The following ZDHHC2 variants were observed in gnomAD, a reference collection of about 807,000 sequenced individuals.
ZDHHC2 encodes palmitoyltransferase ZDHHC2.
In ZDHHC2, 51 loss-of-function variants were observed where a neutral mutation model predicts 55.6. That is an observed-to-expected ratio of 0.92 (90% confidence interval 0.73 to 1.16). The LOEUF is 1.16. Ranked by LOEUF, ZDHHC2 falls within the 50% of genes most tolerant of loss-of-function variation. The pLI is 0.00. For synonymous variants in ZDHHC2, 199 were observed against 152.9 expected (o/e 1.30, Z -2.22); for missense variants, 491 against 442.4 (o/e 1.11, Z -0.99).
chr8:17,172,642 G>A (rs574839678), intron 1 of ZDHHC2, among the ~76,000 whole-genome samples: 2 of 152,286 alleles, frequency 1.3e-5, no homozygotes, highest in Admixed American at 1.3e-4. Flanking sequence ...ATAACCTGGA[G>A]ACTTTTATAA....
At chr8:17,176,728 C>G (rs967334146) in intron 1 of ZDHHC2, among the ~76,000 whole-genome samples, 2 of 151,452 alleles carry the variant, frequency 1.3e-5, no homozygotes, top group South Asian at 4.2e-4. Flanking sequence ...GCATCATGCA[C>G]AAGAGGAAAG....
chr8:17,211,371 A>G (rs1273733150), intron 10 of ZDHHC2, among the ~76,000 whole-genome samples: 2 of 152,116 alleles, frequency 1.3e-5, no homozygotes, highest in Non-Finnish European at 2.9e-5. Context: ...CATATTGAAC[A>G]TTTCTTACTG....
chr8:17,182,779 T>G (rs548551568), intron 1 of ZDHHC2, among the ~76,000 whole-genome samples: 4 of 152,294 alleles, frequency 2.6e-5, no homozygotes, highest in Admixed American at 6.5e-5. Context: ...TTGTTGTTTT[T>G]GAGACAGAGT....
intron 8 of ZDHHC2, among the ~76,000 whole-genome samples, chr8:17,208,539 A>G (rs1424489788): frequency 1.3e-5 from 2 of 151,996 alleles, no homozygotes; most frequent in African/African-American, 4.8e-5. Flanking sequence ...GGAGTTTGGG[A>G]ATGCAACCAG....
chr8:17,171,787 C>T (rs1364972977), intron 1 of ZDHHC2, among the ~76,000 whole-genome samples: 1 of 151,156 alleles, frequency 6.6e-6, no homozygotes, highest in Non-Finnish European at 1.5e-5. Context: ...CAGATACTGC[C>T]TTCTTCTGCT....
chr8:17,205,121 C>T (rs1165079468), intron 6 of ZDHHC2, among the ~76,000 whole-genome samples: 4 of 152,204 alleles, frequency 2.6e-5, no homozygotes, highest in Admixed American at 2.6e-4. Flanking sequence ...AATGGGCCTT[C>T]TGACCCAGCT....
intron 1 of ZDHHC2, among the ~76,000 whole-genome samples, chr8:17,173,507 C>T (rs930676232): frequency 4.0e-5 from 6 of 151,140 alleles, no homozygotes; most frequent in Non-Finnish European, 8.8e-5. Context: ...GAGATGCTAT[C>T]GCTACAAAAA....
intron 1 of ZDHHC2, among the ~76,000 whole-genome samples, chr8:17,183,179 T>G (rs1183087213): frequency 6.6e-6 from 1 of 152,214 alleles, no homozygotes; most frequent in African/African-American, 2.4e-5. Context: ...GAATGGTCAG[T>G]AAGGGTCATT....
intron 10 of ZDHHC2, among the ~76,000 whole-genome samples, chr8:17,213,840 A>G (rs1287821403): frequency 6.6e-6 from 1 of 152,146 alleles, no homozygotes; most frequent in Non-Finnish European, 1.5e-5. Flanking sequence ...AAGAATAAGA[A>G]TTAAAGTAAG....
chr8:17,157,132 G>A (rs1006624322), intron 1 of ZDHHC2, among the ~76,000 whole-genome samples: 2 of 152,092 alleles, frequency 1.3e-5, no homozygotes, highest in East Asian at 1.9e-4. Flanking sequence ...CCGCCGCCTC[G>A]GCCACACCCC....
At chr8:17,198,452 G>T in intron 6 of ZDHHC2, 39 bp downstream of exon 6, 1 of 1,548,888 alleles carries the variant, frequency 6.5e-7, no homozygotes, top group South Asian at 1.3e-5. Context: ...TGTGTCCCTT[G>T]TAAATGTTAA....
intron 1 of ZDHHC2, among the ~76,000 whole-genome samples, chr8:17,180,820 C>G (rs967049374): frequency 6.6e-6 from 1 of 152,140 alleles, no homozygotes; most frequent in East Asian, 1.9e-4. Flanking sequence ...AATCTCTTTT[C>G]CATTTTGACA....
At chr8:17,173,511 A>C (rs1804970315) in intron 1 of ZDHHC2, among the ~76,000 whole-genome samples, 1 of 151,676 alleles carries the variant, frequency 6.6e-6, no homozygotes, top group African/African-American at 2.4e-5. Flanking sequence ...TGCTATCGCT[A>C]CAAAAAAAAA....
chr8:17,172,045 C>T (rs570142230), intron 1 of ZDHHC2, among the ~76,000 whole-genome samples: 14 of 152,072 alleles, frequency 9.2e-5, no homozygotes, highest in South Asian at 8.3e-4. Context: ...ATCCGCAGTT[C>T]CCAGGAATTC....
At chr8:17,200,331 A>G (rs1375339929) in intron 6 of ZDHHC2, among the ~76,000 whole-genome samples, 1 of 152,246 alleles carries the variant, frequency 6.6e-6, no homozygotes, top group Non-Finnish European at 1.5e-5. Context: ...AACCAGTGAC[A>G]GCCTGGCCGG....
chr8:17,199,546 T>TGTCTTCGTCTTCTGTCTTCTGTCTTC lies in ZDHHC2; in HGVS notation c.476+1145_476+1146insTGTCTTCTGTCTTCGTCTTCGTCTTC, dbSNP rs1563161318. The stretch of plus-strand genomic sequence containing the variant: ...GTCTTCGTCTTCTGTCTTCGTCTTC[T>TGTCTTCGTCTTCTGTCTTCTGTCTTC]GTCTTCGTCTTCGTCTTCTTCGTCT... On this transcript the variant is annotated intron_variant, in intron 6 of 12. Coordinates refer to ENST00000262096, the MANE Select transcript of ZDHHC2 (RefSeq NM_016353.5). Among the ~76,000 whole-genome samples the TGTCTTCGTCTTCTGTCTTCTGTCTTC allele has an allele frequency of 3.2e-4, 13 of 40,668 alleles. 1 individual carries two copies. The highest frequency in any genetic ancestry group is 1.9e-3 in the South Asian group (3 of 1,564). The allele number at this position is 40,668 out of a possible 152,430, so 26.7% of individuals were successfully genotyped here.
At chr8:17,171,612 G>C (rs1804858091) in intron 1 of ZDHHC2, among the ~76,000 whole-genome samples, 1 of 152,034 alleles carries the variant, frequency 6.6e-6, no homozygotes, top group Non-Finnish European at 1.5e-5. Context: ...AGATAAGTTA[G>C]ATTTTACACC....
intron 1 of ZDHHC2, among the ~76,000 whole-genome samples, chr8:17,160,208 G>A (rs569932379): frequency 8.5e-5 from 13 of 152,226 alleles, no homozygotes; most frequent in African/African-American, 2.9e-4. Flanking sequence ...ATTTCATACC[G>A]TTTTCTTTAT....
intron 6 of ZDHHC2, among the ~76,000 whole-genome samples, chr8:17,205,055 A>G (rs1332682786): frequency 1.3e-5 from 2 of 152,192 alleles, no homozygotes; most frequent in African/African-American, 4.8e-5. Flanking sequence ...GATAAAGAAA[A>G]TGAAATTCTA....
Sources: gnomAD v4.1 joint callset for allele counts (sites outside exome capture counted in the v4.1 genomes callset) on GRCh38, gnomAD v4.1.1 for gene constraint, MANE v1.5 for transcripts, NCBI Gene and HGNC (gene_info 2026-07-23, HGNC 2026-07-21) for gene names.